CCND3: variants seen among roughly 807,000 people sequenced by gnomAD.
CCND3 encodes cyclin D3, also known as G1/S-specific cyclin-D3.
Under a neutral mutation model 28.7 loss-of-function variants are expected in CCND3, and 9 were observed. The ratio of observed to expected loss-of-function variants is 0.31; its 90% confidence interval spans 0.19 to 0.55. The LOEUF (loss-of-function observed/expected upper bound fraction) is 0.55, where lower values mean the gene tolerates loss of function less well. Among genes scored for constraint, CCND3 ranks in the 20% least tolerant of loss-of-function variants. CCND3 has a pLI of 0.93. For synonymous variants in CCND3, 164 were observed against 163.9 expected, an observed-to-expected ratio of 1.00 and a Z score of 0.00; for missense variants, 315 against 385.8, an observed-to-expected ratio of 0.82 and a Z score of 1.54.
intron 1 of CCND3, among the ~76,000 whole-genome samples, chr6:41,990,965 G>A (rs757913867): frequency 1.8e-4 from 27 of 151,876 alleles, no homozygotes; most frequent in Non-Finnish European, 3.2e-4. Context: ...ACAGGTGTGC[G>A]CCACTGCCCC....
chr6:42,015,058 C>T (rs547249263), intron 1 of CCND3, among the ~76,000 whole-genome samples: 3 of 152,250 alleles, frequency 2.0e-5, no homozygotes, highest in South Asian at 2.1e-4. Flanking sequence ...CAAACACACA[C>T]GTATTCATTT....
intron 1 of CCND3, among the ~76,000 whole-genome samples, chr6:42,019,452 G>C (rs1359502739): frequency 3.0e-5 from 4 of 132,956 alleles, no homozygotes; most frequent in Non-Finnish European, 1.5e-5. Context: ...TCGCACCACT[G>C]CACTCCAGCC....
intron 1 of CCND3, among the ~76,000 whole-genome samples, chr6:42,010,252 C>G (rs2127427007): frequency 6.6e-6 from 1 of 152,322 alleles, no homozygotes; most frequent in South Asian, 2.1e-4. Context: ...CACACGCCCC[C>G]CAAATAAAAC....
chr6:42,021,448 G>C (rs1763711164), intron 1 of CCND3, among the ~76,000 whole-genome samples: 1 of 152,222 alleles, frequency 6.6e-6, no homozygotes, highest in South Asian at 2.1e-4. Context: ...CAAAGGCACA[G>C]AGCAGTCATC....
At position 41,936,900 on chromosome 6, in the gene CCND3, G is replaced by A; in HGVS notation, c.575-205C>T. ...TCCTAGAGATCAGAACCAACTGCCA[G>A]TTTCCATAGGTCCCGGGAATAGACA... On this transcript the variant is annotated intron_variant, in intron 3 of 4. Transcript: ENST00000372991. This position sits in a 1 kb window ranked among gnomAD's most constrained non-coding sequence, Gnocchi z 4.4. The A allele has an allele frequency of 1.6e-6, 1 of 606,372 alleles. No homozygotes were observed. Among genetic ancestry groups the A allele is most frequent in the East Asian group, 2.8e-5 (1 of 35,840 alleles). 37.6% of individuals were successfully genotyped at this position (606,372 alleles called of 1,614,324 possible).
chr6:42,002,228 T>G (rs1176670213), intron 1 of CCND3, among the ~76,000 whole-genome samples: 2 of 146,820 alleles, frequency 1.4e-5, no homozygotes, highest in Non-Finnish European at 3.0e-5. Flanking sequence ...GGCGGATCAC[T>G]TGAGGTCAGA....
intron 1 of CCND3, among the ~76,000 whole-genome samples, chr6:41,955,427 T>C (rs1279334364): frequency 6.6e-6 from 1 of 152,008 alleles, no homozygotes; most frequent in Non-Finnish European, 1.5e-5. Flanking sequence ...TTGATCACAC[T>C]AACAGATTAA....
rs143446702 is a variant in CCND3, at chr6:41,961,788, G to A, written c.-45-21203C>T. Among the ~76,000 whole-genome samples the A allele has an allele frequency of 2.0e-4, 30 of 152,038 alleles. 1 individual carries two copies. The East Asian group carries it at 5.2e-3, about 26-fold the overall frequency. On this transcript the variant is annotated intron_variant, in intron 1 of 4. Transcript: ENST00000372988. Reference sequence around the variant, plus strand: ...ACATCCCCACCTGGATGTCACACCCGGTACCTCAAACTCAAGATGCTCAAA... The same window carrying A: ...ACATCCCCACCTGGATGTCACACCCAGTACCTCAAACTCAAGATGCTCAAA...
chr6:41,956,826 A>G (rs1263072202), intron 1 of CCND3, among the ~76,000 whole-genome samples: 1 of 151,830 alleles, frequency 6.6e-6, no homozygotes, highest in Non-Finnish European at 1.5e-5. Context: ...GGGGAGATCG[A>G]GACCATCCTG....
chr6:41,959,644 C>T (rs1399837034), intron 1 of CCND3, among the ~76,000 whole-genome samples: 2 of 143,674 alleles, frequency 1.4e-5, no homozygotes, highest in Admixed American at 7.0e-5. Context: ...GCCGAGATTG[C>T]GCCACTGCAC....
intron 1 of CCND3, among the ~76,000 whole-genome samples, chr6:42,003,916 G>A (rs1161218402): frequency 2.8e-5 from 4 of 143,710 alleles, no homozygotes; most frequent in African/African-American, 1.0e-4. Context: ...TCCAGCCTGG[G>A]CGACAGAGTG....
intron 1 of CCND3, among the ~76,000 whole-genome samples, chr6:42,020,291 G>T (rs1582171001): frequency 6.6e-6 from 1 of 151,822 alleles, no homozygotes; most frequent in African/African-American, 2.4e-5. Flanking sequence ...CAAAAAAAAA[G>T]AAAAGAAAAA....
intron 1 of CCND3, among the ~76,000 whole-genome samples, chr6:41,996,997 C>T (rs1389939439): frequency 6.6e-6 from 1 of 152,154 alleles, no homozygotes; most frequent in Non-Finnish European, 1.5e-5. Flanking sequence ...TGCCCACCCC[C>T]TCCAGCAACT....
At chr6:42,002,999 CT>C (rs1763057722) in intron 1 of CCND3, among the ~76,000 whole-genome samples, 1 of 150,404 alleles carries the variant, frequency 6.6e-6, no homozygotes, top group African/African-American at 2.5e-5. Context: ...CCTGTGTCTA[CT>C]AAAAATACAA....
intron 1 of CCND3, among the ~76,000 whole-genome samples, chr6:42,018,216 A>T (rs950363329): frequency 3.3e-5 from 5 of 151,674 alleles, no homozygotes; most frequent in African/African-American, 1.2e-4. Flanking sequence ...TGTTTGAGAC[A>T]GAGTCTTGCT....
At chr6:41,977,900 C>A (rs1286297607) in intron 1 of CCND3, among the ~76,000 whole-genome samples, 3 of 152,006 alleles carry the variant, frequency 2.0e-5, no homozygotes, top group Admixed American at 2.0e-4. Flanking sequence ...ACTAAAAGTA[C>A]AAAGATTAGC....
At chr6:41,953,295 G>T (rs1776359190) in intron 1 of CCND3, among the ~76,000 whole-genome samples, 1 of 149,194 alleles carries the variant, frequency 6.7e-6, no homozygotes, top group African/African-American at 2.5e-5. Context: ...GCAAAACATT[G>T]AGTCTGAAGA....
intron 1 of CCND3, among the ~76,000 whole-genome samples, chr6:42,017,138 A>G (rs1221746205): frequency 1.3e-5 from 2 of 152,068 alleles, no homozygotes; most frequent in Non-Finnish European, 2.9e-5. Context: ...CCTCCCCCAC[A>G]CAGCATCCTG....
chr6:41,940,873 G>T, intron 1 of CCND3: 1 of 1,342,554 alleles, frequency 7.4e-7, no homozygotes, highest in Non-Finnish European at 1.1e-6. Flanking sequence ...CCACAGCGAG[G>T]GGAAGTGGGA....
Sources: gnomAD v4.1 joint callset for allele counts (sites outside exome capture counted in the v4.1 genomes callset) on GRCh38, gnomAD v4.1.1 for gene constraint, Gnocchi (gnomAD v3.1) non-coding constraint, MANE v1.5 for transcripts, NCBI Gene and HGNC (gene_info 2026-07-23, HGNC 2026-07-21) for gene names.